ATXN1: variants seen among roughly 807,000 people sequenced by gnomAD.
The protein encoded by ATXN1 is ataxin 1.
A neutral mutation model predicts 56.4 loss-of-function variants in ATXN1; 8 were observed. That is an observed-to-expected ratio of 0.14 (90% CI 0.08 to 0.26). The LOEUF is 0.26. Ranked by LOEUF, ATXN1 falls within the 10% of genes least tolerant of loss-of-function variation. The probability of loss-of-function intolerance (pLI) is 1.00; values close to 1 mark genes in which losing one functional copy is unlikely to be tolerated. For missense variants in ATXN1, 987 were observed against 1,106.5 expected, an observed-to-expected ratio of 0.89 and a Z score of 1.53; for synonymous variants, 514 against 494.6, an observed-to-expected ratio of 1.04 and a Z score of -0.52.
intron 6 of ATXN1, among the ~76,000 whole-genome samples, chr6:16,330,418 CT>C (rs1760956755): frequency 9.9e-6 from 1 of 100,780 alleles, no homozygotes; most frequent in Admixed American, 1.4e-4. Context: ...TTGAAAAGGT[CT>C]TGCTTCGTTG....
At chr6:16,678,290 CAT>C (rs1243255343) in intron 2 of ATXN1, among the ~76,000 whole-genome samples, 2 of 152,140 alleles carry the variant, frequency 1.3e-5, no homozygotes, top group South Asian at 2.1e-4. Flanking sequence ...AGAAAATGTA[CAT>C]GTTTGTACCA....
chr6:16,495,071 G>A (rs1327850599), intron 5 of ATXN1, among the ~76,000 whole-genome samples: 1 of 152,168 alleles, frequency 6.6e-6, no homozygotes, highest in Non-Finnish European at 1.5e-5. Flanking sequence ...AAATGGGGAA[G>A]GCTGAAACAC....
chr6:16,625,292 C>A (rs1033837494), intron 3 of ATXN1, among the ~76,000 whole-genome samples: 3 of 152,212 alleles, frequency 2.0e-5, no homozygotes, highest in Admixed American at 6.5e-5. Context: ...TAGGGATACA[C>A]TGAACGAACT....
intron 7 of ATXN1, among the ~76,000 whole-genome samples, chr6:16,309,228 T>TAA (rs1265146744): frequency 1.6e-5 from 2 of 126,576 alleles, no homozygotes; most frequent in African/African-American, 6.0e-5. Flanking sequence ...ACTCTGTCTC[T>TAA]AAAAAAAAAA....
chr6:16,371,289 T>G (rs1369556602), intron 6 of ATXN1, among the ~76,000 whole-genome samples: 1 of 151,994 alleles, frequency 6.6e-6, no homozygotes, highest in Non-Finnish European at 1.5e-5. Context: ...AGCTAATACA[T>G]GAGATAAAAA....
intron 6 of ATXN1, among the ~76,000 whole-genome samples, chr6:16,446,662 GT>G (rs200807884): frequency 2.6e-5 from 4 of 151,962 alleles, no homozygotes; most frequent in Admixed American, 6.5e-5. Flanking sequence ...TAAATCTAAA[GT>G]TTTTTTTCTA....
rs147033616 is a variant in ATXN1 at position 16,431,679 on chromosome 6, C to T, written c.-161+54293G>A. ...AATTCTCACAACTACCTCATCACCC[C>T]CATTTACGGGCAAGAAACTAAGGCA... On this transcript the variant is annotated intron_variant, in intron 6 of 7. Transcript: ENST00000436367. Among the ~76,000 whole-genome samples the T allele has an allele frequency of 2.4e-3, 362 of 152,306 alleles. 1 individual carries two copies. The highest frequency in any genetic ancestry group is 8.3e-3 in the African/African-American group (345 of 41,556).
chr6:16,612,889 T>TAAA (rs754223145), intron 3 of ATXN1, among the ~76,000 whole-genome samples: 1 of 129,514 alleles, frequency 7.7e-6, no homozygotes. Context: ...GACTCTGTCT[T>TAAA]AAAAAAAAAA....
chr6:16,608,357 T>C (rs1025450900), intron 3 of ATXN1, among the ~76,000 whole-genome samples: 6 of 152,242 alleles, frequency 3.9e-5, no homozygotes, highest in African/African-American at 1.4e-4. Context: ...TCTGGGTTCA[T>C]TAAGCCTATG....
intron 4 of ATXN1, among the ~76,000 whole-genome samples, chr6:16,539,007 T>G (rs1213101550): frequency 6.6e-6 from 1 of 151,948 alleles, no homozygotes; most frequent in Non-Finnish European, 1.5e-5. Context: ...TTCTAACCTA[T>G]CCTCTCCTCA....
intron 6 of ATXN1, among the ~76,000 whole-genome samples, chr6:16,390,680 T>TCTCA (rs1758334910): frequency 1.4e-5 from 2 of 147,158 alleles, no homozygotes; most frequent in Non-Finnish European, 3.0e-5. Context: ...AATAAACACA[T>TCTCA]CACACACACA....
chr6:16,526,493 G>A (rs1449827986), intron 4 of ATXN1, among the ~76,000 whole-genome samples: 2 of 152,180 alleles, frequency 1.3e-5, no homozygotes, highest in African/African-American at 2.4e-5. Flanking sequence ...GGCCGGACGC[G>A]GTGGCTCACG....
chr6:16,694,085 A>G (rs1759104919), intron 2 of ATXN1, among the ~76,000 whole-genome samples: 2 of 152,214 alleles, frequency 1.3e-5, no homozygotes, highest in South Asian at 4.1e-4. Context: ...TGTTCTTGCT[A>G]AGAATGAATT....
intron 6 of ATXN1, among the ~76,000 whole-genome samples, chr6:16,450,569 A>C (rs1330530621): frequency 6.6e-6 from 1 of 152,222 alleles, no homozygotes; most frequent in African/African-American, 2.4e-5. Flanking sequence ...TTAGCAGAGT[A>C]ACTCTGAACT....
intron 6 of ATXN1, among the ~76,000 whole-genome samples, chr6:16,359,840 C>T (rs1198304742): frequency 6.6e-6 from 1 of 152,034 alleles, no homozygotes; most frequent in African/African-American, 2.4e-5. Context: ...ACAGTATGTT[C>T]TCACGCATAA....
chr6:16,436,850 T>C (rs1759402798), intron 6 of ATXN1, among the ~76,000 whole-genome samples: 1 of 152,174 alleles, frequency 6.6e-6, no homozygotes, highest in African/African-American at 2.4e-5. Context: ...CACCAGTTCA[T>C]GCTGGCTGTT....
chr6:16,361,524 A>C (rs185617271), intron 6 of ATXN1, among the ~76,000 whole-genome samples: 39 of 152,342 alleles, frequency 2.6e-4, no homozygotes, highest in African/African-American at 8.4e-4. Flanking sequence ...TTTGGGAATA[A>C]ATGTAGATTA....
chr6:16,342,179 G>A (rs527357752), intron 6 of ATXN1, among the ~76,000 whole-genome samples: 7 of 152,062 alleles, frequency 4.6e-5, no homozygotes, highest in African/African-American at 9.6e-5. Flanking sequence ...CACTGAGCCC[G>A]GCCTGTCTCA....
intron 2 of ATXN1, among the ~76,000 whole-genome samples, chr6:16,741,160 C>T (rs1196899590): frequency 6.6e-6 from 1 of 152,096 alleles, no homozygotes; most frequent in African/African-American, 2.4e-5. Flanking sequence ...GTTTTCTCCC[C>T]TAGAAAATGA....
Sources: allele counts gnomAD v4.1 joint callset (sites outside exome capture counted in the v4.1 genomes callset), GRCh38; gene constraint gnomAD v4.1.1; transcripts MANE v1.5; gene names NCBI Gene and HGNC (gene_info 2026-07-23, HGNC 2026-07-21).